The following GHR variants were observed in gnomAD, a reference collection of about 807,000 sequenced individuals.
GHR encodes growth hormone receptor, also known as GH receptor.
A neutral mutation model predicts 67.1 loss-of-function variants in GHR; 35 were observed. That is an observed-to-expected ratio of 0.52 (90% CI 0.40 to 0.69). The LOEUF (loss-of-function observed/expected upper bound fraction) is 0.69, where lower values mean the gene tolerates loss of function less well. GHR is among the 30% of genes least tolerant of loss of function. GHR has a pLI of 0.00. For missense variants in GHR, 792 were observed against 764.6 expected (o/e 1.04, Z -0.42); for synonymous variants, 272 against 269.1 (o/e 1.01, Z -0.10).
intron 3 of GHR, among the ~76,000 whole-genome samples, chr5:42,647,425 A>G (rs1195323591): frequency 2.0e-5 from 3 of 151,812 alleles, no homozygotes; most frequent in African/African-American, 7.3e-5. Context: ...ATAAAAAAAT[A>G]TAGCTGGGCG....
chr5:42,530,857 A>C (rs1222367345), intron 1 of GHR, among the ~76,000 whole-genome samples: 2 of 152,172 alleles, frequency 1.3e-5, no homozygotes, highest in African/African-American at 4.8e-5. Flanking sequence ...ATCTCTTTGG[A>C]ATAGGTTTGT....
intron 7 of GHR, among the ~76,000 whole-genome samples, chr5:42,711,750 G>T (rs936806141): frequency 4.6e-5 from 7 of 152,056 alleles, no homozygotes; most frequent in Non-Finnish European, 8.8e-5. Context: ...GATGGTTAGG[G>T]AAGAAAGTAT....
chr5:42,636,136 G>A (rs1383266189), intron 3 of GHR, among the ~76,000 whole-genome samples: 1 of 147,844 alleles, frequency 6.8e-6, no homozygotes, highest in African/African-American at 2.5e-5. Context: ...CGTGAACCCG[G>A]GAGGCGGAGC....
Position 42,558,700 on chromosome 5 carries a change from G to A in GHR, c.-11-7164G>A, listed in dbSNP as rs541315986. ...GCAATAGGCTATCCCATATAGCCTA[G>A]GTGTGTAGTAGGCTATACCATCTAG... On this transcript the variant is annotated intron_variant, in intron 1 of 9. Coordinates refer to ENST00000230882, the MANE Select transcript of GHR (RefSeq NM_000163.5). Among the ~76,000 whole-genome samples, 121 of 152,306 alleles carry A rather than the reference G, an allele frequency of 7.9e-4. 2 individuals carry two copies. In the South Asian group the frequency reaches 0.025, roughly 31 times the overall value.
At chr5:42,565,223 A>G (rs1315004120) in intron 1 of GHR, among the ~76,000 whole-genome samples, 1 of 152,148 alleles carries the variant, frequency 6.6e-6, no homozygotes, top group African/African-American at 2.4e-5. Context: ...TCAGATCTGT[A>G]TTCCTCATGA....
At chr5:42,459,460 A>T (rs1744395685) in intron 1 of GHR, among the ~76,000 whole-genome samples, 1 of 152,190 alleles carries the variant, frequency 6.6e-6, no homozygotes, top group East Asian at 1.9e-4. Context: ...GAAGCTAAAC[A>T]TTGGGTACAT....
At chr5:42,504,369 T>G (rs1746666426) in intron 1 of GHR, among the ~76,000 whole-genome samples, 1 of 152,114 alleles carries the variant, frequency 6.6e-6, no homozygotes, top group South Asian at 2.1e-4. Flanking sequence ...GAGTTGAGTG[T>G]AGGTAAATCC....
chr5:42,563,854 G>A (rs1295952340), intron 1 of GHR, among the ~76,000 whole-genome samples: 1 of 152,030 alleles, frequency 6.6e-6, no homozygotes, highest in Non-Finnish European at 1.5e-5. Flanking sequence ...TTACCAACAG[G>A]ATGGCATTTT....
intron 1 of GHR, among the ~76,000 whole-genome samples, chr5:42,504,451 G>A (rs1234808906): frequency 6.6e-6 from 1 of 152,090 alleles, no homozygotes; most frequent in Non-Finnish European, 1.5e-5. Flanking sequence ...AGTATAAGCA[G>A]TATGTTGTTC....
intron 1 of GHR, among the ~76,000 whole-genome samples, chr5:42,479,389 G>C (rs1218292956): frequency 6.6e-6 from 1 of 152,206 alleles, no homozygotes; most frequent in East Asian, 1.9e-4. Flanking sequence ...TCAGGATGAT[G>C]CTAGCCTCAT....
In GHR at chr5:42,656,744, T is replaced by A. The variant is rs139635353; in HGVS notation, c.136+27641T>A. Among the ~76,000 whole-genome samples the A allele has an allele frequency of 1.9e-3, 283 of 152,302 alleles. 1 individual carries two copies. Among genetic ancestry groups the A allele is most frequent in the Non-Finnish European group, 3.7e-3 (251 of 68,012 alleles). ...AGAATGTTTTGGAGCATGCAAGAGCTTAATGCTCATGGACATTTACTTTAT... is the reference window on the plus strand; with the variant it reads ...AGAATGTTTTGGAGCATGCAAGAGCATAATGCTCATGGACATTTACTTTAT... On this transcript the variant is annotated intron_variant, in intron 3 of 9. Transcript: ENST00000230882.
At chr5:42,507,694 T>C (rs7721578) in intron 1 of GHR, among the ~76,000 whole-genome samples, 68,768 of 152,062 alleles carry the variant, frequency 0.45, 15,998 homozygotes, top group Middle Eastern at 0.51. Context: ...CTATTATCTC[T>C]TCTGGACCTG....
chr5:42,507,739 C>T (rs1252818194), intron 1 of GHR, among the ~76,000 whole-genome samples: 1 of 152,198 alleles, frequency 6.6e-6, no homozygotes, highest in Non-Finnish European at 1.5e-5. Flanking sequence ...TTACTCTAGT[C>T]CTGAGAGGGC....
chr5:42,718,531 T>G lies in GHR; in HGVS notation c.1024T>G (p.Trp342Gly). Residue 342 changes from tryptophan (W) to glycine (G), a missense_variant, in exon 10 of 10, where the codon TGG (tryptophan) becomes GGG (glycine). Coordinates refer to ENST00000230882, the MANE Select transcript of GHR (RefSeq NM_000163.5). ...YKPEFHSDDS[W>G]VEFIELDIDE... ...ACCCGAATTCCACAGTGATGACTCT[T>G]GGGTTGAATTTATTGAGCTAGATAT... 6.2e-7 allele frequency: 1 copy of G among 1,613,522 alleles called. No homozygotes were observed. The highest frequency in any genetic ancestry group is 8.5e-7 in the Non-Finnish European group (1 of 1,179,446).
chr5:42,560,404 G>A (rs1249809667), intron 1 of GHR, among the ~76,000 whole-genome samples: 1 of 152,278 alleles, frequency 6.6e-6, no homozygotes, highest in East Asian at 1.9e-4. Context: ...ATGTTGGCCA[G>A]GATGGTCTCA....
chr5:42,575,876 A>G (rs1472179714), intron 2 of GHR, among the ~76,000 whole-genome samples: 4 of 151,280 alleles, frequency 2.6e-5, no homozygotes, highest in African/African-American at 9.7e-5. Context: ...TCTACTAAGA[A>G]TACAAAAATT....
chr5:42,581,947 G>A (rs1444687621), intron 2 of GHR, among the ~76,000 whole-genome samples: 4 of 152,238 alleles, frequency 2.6e-5, no homozygotes, highest in Non-Finnish European at 5.9e-5. Flanking sequence ...CCTGCACCCA[G>A]CACCCGCTCC....
chr5:42,582,828 C>T (rs1392856000), intron 2 of GHR, among the ~76,000 whole-genome samples: 3 of 152,248 alleles, frequency 2.0e-5, no homozygotes, highest in African/African-American at 7.2e-5. Context: ...CAGATGCAGC[C>T]GCAGGCTTGC....
chr5:42,690,954 C>G (rs1757394123), intron 4 of GHR, among the ~76,000 whole-genome samples: 1 of 152,186 alleles, frequency 6.6e-6, no homozygotes, highest in African/African-American at 2.4e-5. Flanking sequence ...GCTGGGCCCA[C>G]TTTATGAAAA....
Sources: gnomAD v4.1 joint callset for allele counts (sites outside exome capture counted in the v4.1 genomes callset) on GRCh38, gnomAD v4.1.1 for gene constraint, MANE v1.5 for transcripts, NCBI Gene and HGNC (gene_info 2026-07-23, HGNC 2026-07-21) for gene names.